The following PARD3 variants were observed in gnomAD, a reference collection of about 807,000 sequenced individuals.
PARD3 encodes the protein partitioning defective 3 homolog.
Under a neutral mutation model 155.4 loss-of-function variants are expected in PARD3, and 75 were observed. The ratio of observed to expected loss-of-function variants is 0.48; its 90% CI spans 0.40 to 0.58. PARD3 has a LOEUF of 0.58. Ranked by LOEUF, PARD3 falls within the 20% of genes least tolerant of loss-of-function variation. The pLI, the probability that PARD3 is intolerant of heterozygous loss-of-function variation, is 0.00. For missense variants in PARD3, 1,642 were observed against 1,721.7 expected (o/e 0.95, Z 0.82); for synonymous variants, 576 against 610.5 (o/e 0.94, Z 0.83).
intron 2 of PARD3, among the ~76,000 whole-genome samples, chr10:34,541,506 C>T (rs192502387): frequency 4.6e-5 from 7 of 152,222 alleles, no homozygotes; most frequent in Admixed American, 4.6e-4. Context: ...TTGTACAAAA[C>T]CCTGAAGCCC....
rs187391352 is a variant in PARD3, at chr10:34,303,622, G to T, written c.3065+13485C>A. 4.7e-3 allele frequency among the ~76,000 whole-genome samples: 702 copies of T among 148,720 alleles called. 6 individuals are homozygous for T. The highest frequency in any genetic ancestry group is 0.016 in the African/African-American group (666 of 40,768). On this transcript the variant is annotated intron_variant, in intron 20 of 24. Transcript: ENST00000374788. Reference sequence around the variant, plus strand: ...TATAAGAGCAGGAATTCGATAAGATGTTTTTTTTTTTCCTCTACAATCTTC... The same window carrying T: ...TATAAGAGCAGGAATTCGATAAGATTTTTTTTTTTTTCCTCTACAATCTTC...
intron 22 of PARD3, among the ~76,000 whole-genome samples, chr10:34,233,379 C>A (rs1242565689): frequency 6.6e-6 from 1 of 151,988 alleles, no homozygotes; most frequent in Non-Finnish European, 1.5e-5. Flanking sequence ...ACAGGAGATT[C>A]CCAAGGGCTC....
Position 34,473,739 on chromosome 10 carries a change from A to C in PARD3, c.404-3476T>G, listed in dbSNP as rs76421684. Among the ~76,000 whole-genome samples the C allele has an allele frequency of 4.1e-4, 62 of 152,304 alleles. No individual in the cohort carries two copies. In the East Asian group the frequency reaches 0.011, roughly 27 times the overall value. Reference sequence around the variant, plus strand: ...CCATGGCAACACCTAGGTGTTACCTACTGTTTCCGTGGTAATAACCTAATG... The same window carrying C: ...CCATGGCAACACCTAGGTGTTACCTCCTGTTTCCGTGGTAATAACCTAATG... On this transcript the variant is annotated intron_variant, in intron 3 of 24. Transcript: ENST00000374788.
intron 5 of PARD3, among the ~76,000 whole-genome samples, chr10:34,444,127 A>G (rs959844459): frequency 6.6e-6 from 1 of 152,226 alleles, no homozygotes; most frequent in Non-Finnish European, 1.5e-5. Context: ...TCATTCCCCT[A>G]TAACAGAGCT....
chr10:34,670,959 G>A (rs1053878991), intron 2 of PARD3, among the ~76,000 whole-genome samples: 5 of 152,138 alleles, frequency 3.3e-5, no homozygotes, highest in African/African-American at 1.2e-4. Flanking sequence ...CAACACATCG[G>A]CGGCCATCAA....
intron 22 of PARD3, among the ~76,000 whole-genome samples, chr10:34,203,729 C>T (rs1040778770): frequency 3.9e-5 from 6 of 152,096 alleles, no homozygotes; most frequent in Non-Finnish European, 8.8e-5. Flanking sequence ...TCAAATCCAT[C>T]GATGCAGAAC....
chr10:34,208,683 G>C (rs1413595921), intron 22 of PARD3, among the ~76,000 whole-genome samples: 1 of 152,150 alleles, frequency 6.6e-6, no homozygotes, highest in Non-Finnish European at 1.5e-5. Flanking sequence ...TGCAGGGTGA[G>C]CGTTCAGGAA....
intron 22 of PARD3, among the ~76,000 whole-genome samples, chr10:34,246,924 AC>A (rs1439719252): frequency 6.6e-6 from 1 of 152,134 alleles, no homozygotes; most frequent in Admixed American, 6.5e-5. Context: ...GATCCAACAC[AC>A]ACAAAATACA....
At chr10:34,147,034 C>T (rs781467166) in intron 22 of PARD3, among the ~76,000 whole-genome samples, 1 of 151,716 alleles carries the variant, frequency 6.6e-6, no homozygotes, top group Non-Finnish European at 1.5e-5. Flanking sequence ...TTTGAAAATC[C>T]TTCTAGAAAG....
chr10:34,419,938 C>A (rs1021939669), intron 5 of PARD3, among the ~76,000 whole-genome samples: 1 of 152,198 alleles, frequency 6.6e-6, no homozygotes. Flanking sequence ...TTTACCTCAA[C>A]TGTATTGACT....
chr10:34,811,199 T>C (rs539268562), intron 1 of PARD3, among the ~76,000 whole-genome samples: 2 of 152,294 alleles, frequency 1.3e-5, no homozygotes, highest in East Asian at 3.9e-4. Context: ...GAACTACTTG[T>C]TACCCTGACT....
chr10:34,547,505 C>T (rs967929006), intron 2 of PARD3, among the ~76,000 whole-genome samples: 2 of 152,114 alleles, frequency 1.3e-5, no homozygotes, highest in Non-Finnish European at 2.9e-5. Context: ...AAGAACTCGT[C>T]GAGATTTATT....
chr10:34,306,373 C>A (rs1957409896), intron 20 of PARD3, among the ~76,000 whole-genome samples: 1 of 150,854 alleles, frequency 6.6e-6, no homozygotes, highest in Non-Finnish European at 1.5e-5. Flanking sequence ...TAAACCGGGC[C>A]AGGCGTGGCA....
At chr10:34,243,702 G>A (rs987200453) in intron 22 of PARD3, among the ~76,000 whole-genome samples, 1 of 152,194 alleles carries the variant, frequency 6.6e-6, no homozygotes. Context: ...TGGGTGTGTC[G>A]GCGCGCACTG....
chr10:34,556,927 C>A (rs2085052655), intron 2 of PARD3, among the ~76,000 whole-genome samples: 1 of 152,076 alleles, frequency 6.6e-6, no homozygotes, highest in Non-Finnish European at 1.5e-5. Context: ...CATAGATATA[C>A]CTGATTCTAC....
rs1475579802 is a variant in PARD3 at position 34,350,265 on chromosome 10, C to T, written c.2068-2150G>A. ...GCGGCACTGAGGAAGAGAGGCAACC[C>T]CAGTGGTCCTGGGAGAATGGCTGGC... On this transcript the variant is annotated intron_variant, in intron 14 of 24. Transcript: ENST00000374788. Among the ~76,000 whole-genome samples the T allele has an allele frequency of 2.0e-5, 3 of 152,138 alleles. No individual in the cohort carries two copies. The East Asian group carries it at 5.8e-4, about 29-fold the overall frequency.
At chr10:34,524,212 G>A (rs183778623) in intron 2 of PARD3, among the ~76,000 whole-genome samples, 1 of 152,302 alleles carries the variant, frequency 6.6e-6, no homozygotes, top group Non-Finnish European at 1.5e-5. Context: ...GGAGAGGGCA[G>A]AACATTCCCG....
chr10:34,479,246 C>A (rs1040490429), intron 3 of PARD3, among the ~76,000 whole-genome samples: 2 of 150,728 alleles, frequency 1.3e-5, no homozygotes, highest in Non-Finnish European at 2.9e-5. Flanking sequence ...ACTGCAAGCT[C>A]CACCTCCCGG....
chr10:34,284,082 A>G, intron 21 of PARD3, 53 bp downstream of exon 21: 1 of 1,002,974 alleles, frequency 1.0e-6, no homozygotes. Context: ...AGTAGAAAGA[A>G]AAAAAAAAAG....
Sources: gnomAD v4.1 joint callset for allele counts (sites outside exome capture counted in the v4.1 genomes callset) on GRCh38, gnomAD v4.1.1 for gene constraint, MANE v1.5 for transcripts, NCBI Gene and HGNC (gene_info 2026-07-23, HGNC 2026-07-21) for gene names.